The following FAM120A variants were observed in gnomAD, a reference collection of about 807,000 sequenced individuals.
FAM120A encodes the protein family with sequence similarity 120 member A.
Under a neutral mutation model 109.7 loss-of-function variants are expected in FAM120A, and 15 were observed. That is an observed-to-expected ratio of 0.14 (90% confidence interval 0.09 to 0.21). The LOEUF (loss-of-function observed/expected upper bound fraction) is 0.21. Among genes scored for constraint, FAM120A ranks in the 10% least tolerant of loss-of-function variants. FAM120A has a pLI of 1.00. For synonymous variants in FAM120A, 493 were observed against 572.8 expected (o/e 0.86, Z 1.99); for missense variants, 899 against 1,439.3 (o/e 0.62, Z 6.07).
rs764419052 is a variant in FAM120A, at chr9:93,452,439, C to T, written c.474+50C>T. On this transcript the variant is annotated intron_variant, in intron 1 of 17. Transcript: ENST00000277165. The surrounding 1 kb of genome is among the most constrained non-coding windows in gnomAD (Gnocchi z 7.0). ...CGGGGACCGGGGCCGCGCCGCACCC[C>T]TATCCCCCTTCCCAGGGCGCAGAAT... 2.5e-5 allele frequency: 39 copies of T among 1,563,150 alleles called. No homozygotes were observed. Among genetic ancestry groups the T allele is most frequent in the Non-Finnish European group, 3.4e-5 (39 of 1,156,526 alleles).
chr9:93,477,644 T>A (rs1036666004), intron 3 of FAM120A, among the ~76,000 whole-genome samples: 1 of 152,232 alleles, frequency 6.6e-6, no homozygotes, highest in Non-Finnish European at 1.5e-5. Flanking sequence ...AGCATTATGC[T>A]TTTGTAAGTG....
In FAM120A at chr9:93,561,760, C is replaced by T. The variant is rs772953511; in HGVS notation, c.2949-448C>T. On this transcript the variant is annotated intron_variant, in intron 16 of 17. Transcript: ENST00000277165. ...AGTATTATGTAATTATTTAATTAAC[C>T]ATTAAATAATTAACAATTATTAAAT... 3.9e-4 allele frequency among the ~76,000 whole-genome samples: 59 copies of T among 152,032 alleles called. 1 individual carries two copies. Among genetic ancestry groups the T allele is most frequent in the Non-Finnish European group, 7.9e-4 (54 of 68,002 alleles).
At chr9:93,507,823 G>C (rs1191766153) in intron 5 of FAM120A, among the ~76,000 whole-genome samples, 1 of 152,172 alleles carries the variant, frequency 6.6e-6, no homozygotes, top group East Asian at 1.9e-4. Flanking sequence ...AGAGGCAGTG[G>C]ATCCTAGGAA....
chr9:93,515,089 C>T (rs1860508281), intron 5 of FAM120A, among the ~76,000 whole-genome samples: 1 of 152,194 alleles, frequency 6.6e-6, no homozygotes, highest in Admixed American at 6.5e-5. Flanking sequence ...AATTACTCAT[C>T]CTGTATATGT....
chr9:93,477,381 C>T (rs1858593577), intron 3 of FAM120A, among the ~76,000 whole-genome samples: 1 of 152,160 alleles, frequency 6.6e-6, no homozygotes, highest in Non-Finnish European at 1.5e-5. Context: ...AAAATGTTCT[C>T]CTTTTCACCC....
intron 10 of FAM120A, among the ~76,000 whole-genome samples, chr9:93,539,475 A>G (rs1319494158): frequency 6.6e-6 from 1 of 152,258 alleles, no homozygotes; most frequent in African/African-American, 2.4e-5. Context: ...GTTTTCAGTT[A>G]GATGAGCTGA....
chr9:93,508,502 T>G (rs1588858447), intron 5 of FAM120A, among the ~76,000 whole-genome samples: 1 of 152,184 alleles, frequency 6.6e-6, no homozygotes, highest in Non-Finnish European at 1.5e-5. Context: ...GATGCAGACC[T>G]AGGAGACAGC....
intron 10 of FAM120A, among the ~76,000 whole-genome samples, chr9:93,540,947 AAAAGTT>A (rs1861675743): frequency 6.6e-6 from 1 of 152,162 alleles, no homozygotes; most frequent in African/African-American, 2.4e-5. Context: ...AAAAAAATGA[AAAAGTT>A]AAAGGCCAAT....
At chr9:93,455,502 G>A (rs1018901554) in intron 1 of FAM120A, among the ~76,000 whole-genome samples, 3 of 152,014 alleles carry the variant, frequency 2.0e-5, no homozygotes, top group Non-Finnish European at 4.4e-5. Flanking sequence ...ATTTTTTTAA[G>A]ATTAAGTAAA....
chr9:93,481,311 TTTG>T (rs1261380515), intron 3 of FAM120A, among the ~76,000 whole-genome samples: 1 of 152,252 alleles, frequency 6.6e-6, no homozygotes. Context: ...GGGTGGGCAT[TTTG>T]TTGTTTTAAT....
intron 5 of FAM120A, among the ~76,000 whole-genome samples, chr9:93,502,599 C>CACACACACAT (rs1491181821): frequency 6.6e-6 from 1 of 151,102 alleles, no homozygotes; most frequent in Non-Finnish European, 1.5e-5. Flanking sequence ...CACACACACA[C>CACACACACAT]GCACACTTGC....
intron 5 of FAM120A, among the ~76,000 whole-genome samples, chr9:93,512,880 G>A (rs1297645959): frequency 6.6e-6 from 1 of 152,200 alleles, no homozygotes; most frequent in Non-Finnish European, 1.5e-5. Flanking sequence ...TGATTGGAAT[G>A]TGATTTTAGA....
intron 3 of FAM120A, among the ~76,000 whole-genome samples, chr9:93,481,238 C>T (rs12377399): frequency 0.27 from 41,030 of 152,218 alleles, 6,612 homozygotes; most frequent in East Asian, 0.43. Flanking sequence ...CAAAATGTGA[C>T]TTTTGGGGTT....
At chr9:93,471,463 G>C in intron 2 of FAM120A, 76 bp downstream of exon 2, 1 of 1,557,132 alleles carries the variant, frequency 6.4e-7, no homozygotes, top group African/African-American at 1.4e-5. Flanking sequence ...AAGTGTTTCT[G>C]TGCTTGAATG....
At position 93,451,759 on chromosome 9, in the gene FAM120A, A is replaced by G. The variant is rs1339092289; in HGVS notation, c.-157A>G. The G allele has an allele frequency of 2.8e-5, 27 of 977,370 alleles. No homozygotes were observed. The highest frequency in any genetic ancestry group is 5.2e-4 in the Middle Eastern group (1 of 1,926). The allele number at this position is 977,370 out of a possible 1,614,324, so 60.5% of individuals were successfully genotyped here. ...ACATGGCCCTGGGAGGCGGCAGCAC[A>G]TGGCGGCCGCGGCGGCCATGAGCGC... On this transcript the variant is annotated 5_prime_UTR_variant, in exon 1 of 18. An upstream start codon of the reference 5' UTR is lost. Transcript: ENST00000277165.
intron 1 of FAM120A, among the ~76,000 whole-genome samples, chr9:93,459,817 T>C (rs1857710821): frequency 6.6e-6 from 1 of 152,210 alleles, no homozygotes; most frequent in Non-Finnish European, 1.5e-5. Flanking sequence ...CATTCTACAG[T>C]GCACAGAACA....
intron 7 of FAM120A, among the ~76,000 whole-genome samples, chr9:93,524,801 T>C (rs1861001536): frequency 6.6e-6 from 1 of 152,154 alleles, no homozygotes; most frequent in Non-Finnish European, 1.5e-5. Context: ...GGGGATGAGA[T>C]TGTGAGAGCG....
At chr9:93,555,419 G>A (rs1862255132) in intron 12 of FAM120A, among the ~76,000 whole-genome samples, 1 of 152,184 alleles carries the variant, frequency 6.6e-6, no homozygotes, top group Non-Finnish European at 1.5e-5. Context: ...TTAGCATTTG[G>A]CACCAGAATG....
intron 1 of FAM120A, among the ~76,000 whole-genome samples, chr9:93,463,109 A>G (rs143836022): frequency 4.6e-5 from 7 of 152,286 alleles, no homozygotes; most frequent in Non-Finnish European, 8.8e-5. Flanking sequence ...CCAAGAGGCC[A>G]CGCTGTTTTA....
Sources: allele counts gnomAD v4.1 joint callset (sites outside exome capture counted in the v4.1 genomes callset), GRCh38; gene constraint gnomAD v4.1.1; non-coding constraint Gnocchi (gnomAD v3.1); transcripts MANE v1.5; gene names NCBI Gene and HGNC (gene_info 2026-07-23, HGNC 2026-07-21).